The following PTPRM variants were observed in gnomAD, a reference collection of about 807,000 sequenced individuals.
PTPRM encodes protein tyrosine phosphatase receptor type M, also known as receptor-type tyrosine-protein phosphatase mu.
In PTPRM, 47 loss-of-function variants were observed where a neutral mutation model predicts 186.7. The observed-to-expected ratio is 0.25, with a 90% CI of 0.20 to 0.32. The LOEUF is 0.32. Ranked by LOEUF, PTPRM falls within the 10% of genes least tolerant of loss-of-function variation. The pLI, the probability that PTPRM is intolerant of heterozygous loss-of-function variation, is 1.00. For synonymous variants in PTPRM, 668 were observed against 674.9 expected, an observed-to-expected ratio of 0.99 and a Z score of 0.16; for missense variants, 1,494 against 1,865.0, an observed-to-expected ratio of 0.80 and a Z score of 3.66.
At chr18:7,655,330 G>A (rs951453591) in intron 1 of PTPRM, among the ~76,000 whole-genome samples, 1 of 152,104 alleles carries the variant, frequency 6.6e-6, no homozygotes, top group Non-Finnish European at 1.5e-5. Context: ...AAAGTGCTAC[G>A]ATTACAGGCA....
chr18:7,829,165 A>T (rs7239136), intron 2 of PTPRM, among the ~76,000 whole-genome samples: 106,222 of 152,060 alleles, frequency 0.7, 38,228 homozygotes, highest in East Asian at 0.94. Flanking sequence ...CAGTGATATA[A>T]TTGTGACATA....
intron 7 of PTPRM, among the ~76,000 whole-genome samples, chr18:7,966,897 C>G (rs2054138245): frequency 7.9e-6 from 1 of 126,916 alleles, no homozygotes; most frequent in African/African-American, 2.6e-5. Context: ...CCACCATTGC[C>G]CAGGCTTGCT....
In PTPRM at chr18:7,716,251, G is replaced by A. The variant is rs572374083; in HGVS notation, c.74-57898G>A. On this transcript the variant is annotated intron_variant, in intron 1 of 32. Coordinates refer to ENST00000580170, the MANE Select transcript of PTPRM (RefSeq NM_001105244.2). ...ACTCTGACAAACCCAAGAAAAAGAA[G>A]CAATGGGGAAAAGATTCCCTATTTA... 6.6e-5 allele frequency among the ~76,000 whole-genome samples: 10 copies of A among 152,188 alleles called. No individual in the cohort carries two copies. The South Asian group carries it at 1.9e-3, about 28-fold the overall frequency.
intron 24 of PTPRM, among the ~76,000 whole-genome samples, chr18:8,373,111 T>C (rs1359844068): frequency 6.6e-6 from 1 of 152,204 alleles, no homozygotes; most frequent in Non-Finnish European, 1.5e-5. Flanking sequence ...AATGACACAT[T>C]AGTGATTTTC....
At chr18:7,702,146 A>G (rs1398428769) in intron 1 of PTPRM, among the ~76,000 whole-genome samples, 1 of 151,984 alleles carries the variant, frequency 6.6e-6, no homozygotes, top group Non-Finnish European at 1.5e-5. Context: ...GTGAACAGTA[A>G]ACATATGTGT....
intron 14 of PTPRM, among the ~76,000 whole-genome samples, chr18:8,188,528 G>A (rs997291430): frequency 1.3e-5 from 2 of 152,152 alleles, no homozygotes; most frequent in South Asian, 2.1e-4. Flanking sequence ...GTGACGAAAC[G>A]CACATAGAGC....
intron 9 of PTPRM, among the ~76,000 whole-genome samples, chr18:8,077,867 G>GAT (rs1205113103): frequency 6.6e-6 from 1 of 152,126 alleles, no homozygotes; most frequent in Non-Finnish European, 1.5e-5. Context: ...TCCTACAAGA[G>GAT]ATATATCTCT....
At chr18:8,119,500 G>A (rs1274799187) in intron 13 of PTPRM, among the ~76,000 whole-genome samples, 1 of 152,118 alleles carries the variant, frequency 6.6e-6, no homozygotes, top group Non-Finnish European at 1.5e-5. Flanking sequence ...CTAATCTGCT[G>A]TTATTTAGGC....
At chr18:7,586,968 C>T (rs1197044260) in intron 1 of PTPRM, among the ~76,000 whole-genome samples, 1 of 152,158 alleles carries the variant, frequency 6.6e-6, no homozygotes, top group African/African-American at 2.4e-5. Context: ...TCTCCTTAAA[C>T]TGGTACTCCC....
In PTPRM at chr18:8,172,880, A is replaced by G. The variant is rs149890654; in HGVS notation, c.2300+29101A>G. On this transcript the variant is annotated intron_variant, in intron 14 of 32. Transcript: ENST00000580170. ...ATGAACTAACTCACCTGGCACTGTAATTAATTGTACCAGAGTATGATGATG... is the reference window on the plus strand; with the variant it reads ...ATGAACTAACTCACCTGGCACTGTAGTTAATTGTACCAGAGTATGATGATG... 3.0e-3 allele frequency among the ~76,000 whole-genome samples: 462 copies of G among 152,286 alleles called. 1 individual carries two copies. The highest frequency in any genetic ancestry group is 0.01 in the African/African-American group (425 of 41,546).
At chr18:8,030,839 A>G (rs1026586328) in intron 7 of PTPRM, among the ~76,000 whole-genome samples, 3 of 152,210 alleles carry the variant, frequency 2.0e-5, no homozygotes, top group East Asian at 1.9e-4. Flanking sequence ...GATTCTTTAT[A>G]TATGTTTTAT....
chr18:7,874,460 G>T (rs1005181320), intron 2 of PTPRM, among the ~76,000 whole-genome samples: 9 of 151,850 alleles, frequency 5.9e-5, no homozygotes, highest in African/African-American at 1.7e-4. Context: ...TTATTTCCCT[G>T]GAAAGCTGAT....
At chr18:7,572,137 A>G (rs917156412) in intron 1 of PTPRM, among the ~76,000 whole-genome samples, 2 of 152,194 alleles carry the variant, frequency 1.3e-5, no homozygotes, top group African/African-American at 4.8e-5. Flanking sequence ...GAATTGCTTG[A>G]GCATAATAAA....
At chr18:8,182,175 A>G (rs1453655114) in intron 14 of PTPRM, among the ~76,000 whole-genome samples, 1 of 152,176 alleles carries the variant, frequency 6.6e-6, no homozygotes, top group African/African-American at 2.4e-5. Context: ...TGTCTTTTTT[A>G]TATGATTATG....
chr18:8,294,162 G>A (rs144240661), intron 19 of PTPRM, among the ~76,000 whole-genome samples: 138 of 152,296 alleles, frequency 9.1e-4, no homozygotes, highest in Non-Finnish European at 1.7e-3. Context: ...TGAGGTACAA[G>A]AATCATTTGA....
At position 8,143,778 on chromosome 18, in the gene PTPRM, A is replaced by G. The variant is rs753799815; in HGVS notation, c.2299A>G (p.Arg767Gly). ...FLGVVLVMKK[R>G]KLAKKRKETM... ...TGGAGTTGTGTTGGTAATGAAGAAA[A>G]GGTGAGCTCCTAGCTGTTGCCAAAG... The change falls in exon 14 of 33, where the codon AGG becomes GGG. Residue 767 changes from arginine (R) to glycine (G), a missense_variant and splice_region_variant. By Grantham distance (125) the Arg-to-Gly change is moderately radical. Transcript: ENST00000580170. The G allele has an allele frequency of 6.2e-7, 1 of 1,614,068 alleles. No homozygotes were observed. Among genetic ancestry groups the G allele is most frequent in the South Asian group, 1.1e-5 (1 of 91,076 alleles).
At chr18:7,572,303 A>G (rs1007065912) in intron 1 of PTPRM, among the ~76,000 whole-genome samples, 1 of 152,202 alleles carries the variant, frequency 6.6e-6, no homozygotes, top group Non-Finnish European at 1.5e-5. Flanking sequence ...TTAATGAACA[A>G]GTAATTTGAA....
chr18:8,074,578 CT>C (rs2089689012), intron 8 of PTPRM, among the ~76,000 whole-genome samples: 1 of 152,126 alleles, frequency 6.6e-6, no homozygotes, highest in Non-Finnish European at 1.5e-5. Context: ...GTTATCATGT[CT>C]TTTCGTTATA....
intron 1 of PTPRM, among the ~76,000 whole-genome samples, chr18:7,691,866 T>C (rs1598382855): frequency 6.7e-6 from 1 of 149,708 alleles, no homozygotes; most frequent in Non-Finnish European, 1.5e-5. Context: ...TCCCAGGAGG[T>C]TAAGGAGGTG....
Sources: allele counts gnomAD v4.1 joint callset (sites outside exome capture counted in the v4.1 genomes callset), GRCh38; gene constraint gnomAD v4.1.1; transcripts MANE v1.5; gene names NCBI Gene and HGNC (gene_info 2026-07-23, HGNC 2026-07-21).